CNTNAP2: variants seen among roughly 807,000 people sequenced by gnomAD.
The protein encoded by CNTNAP2 is contactin associated protein 2, also known as contactin-associated protein-like 2.
A neutral mutation model predicts 155.2 loss-of-function variants in CNTNAP2; 98 were observed. The ratio of observed to expected loss-of-function variants is 0.63; its 90% CI spans 0.54 to 0.75. The LOEUF (loss-of-function observed/expected upper bound fraction) is 0.75, where lower values mean the gene tolerates loss of function less well. Among genes scored for constraint, CNTNAP2 ranks in the 30% least tolerant of loss-of-function variants. The pLI is 0.00. For missense variants in CNTNAP2, 1,727 were observed against 1,688.1 expected (o/e 1.02, Z -0.40); for synonymous variants, 651 against 631.2 (o/e 1.03, Z -0.47).
At chr7:148,173,859 T>G (rs1439343127) in intron 18 of CNTNAP2, among the ~76,000 whole-genome samples, 1 of 152,234 alleles carries the variant, frequency 6.6e-6, no homozygotes, top group Non-Finnish European at 1.5e-5. Flanking sequence ...AAGTAAGCAC[T>G]AATGCCTGCG....
intron 1 of CNTNAP2, among the ~76,000 whole-genome samples, chr7:146,482,815 T>C (rs542061786): frequency 8.9e-4 from 135 of 152,104 alleles, no homozygotes; most frequent in African/African-American, 3.1e-3. Flanking sequence ...TAGACCTTGA[T>C]TGAATAAATA....
At position 147,975,050 on chromosome 7, in the gene CNTNAP2, G is replaced by GTATTACA. The variant is rs1563154374; in HGVS notation, c.2256-2809_2256-2808insTACATAT. ...CATATAATACAATTTTTTGTATTAC[G>GTATTACA]TATAATACAATTTTTTGTATTATGT... On this transcript the variant is annotated intron_variant, in intron 14 of 23. Transcript: ENST00000361727. Among the ~76,000 whole-genome samples the GTATTACA allele has an allele frequency of 1.2e-3, 184 of 148,618 alleles. 1 individual carries two copies. Among genetic ancestry groups the GTATTACA allele is most frequent in the African/African-American group, 4.1e-3 (160 of 39,366 alleles).
intron 22 of CNTNAP2, among the ~76,000 whole-genome samples, chr7:148,387,839 G>A (rs1799250320): frequency 1.3e-5 from 2 of 151,986 alleles, no homozygotes; most frequent in South Asian, 4.2e-4. Context: ...TCGAATAGGG[G>A]CTGGGTAAAA....
At position 147,554,019 on chromosome 7, in the gene CNTNAP2, C is replaced by A. The variant is rs57562382; in HGVS notation, c.1778-8119C>A. 6.4e-3 allele frequency among the ~76,000 whole-genome samples: 976 copies of A among 152,232 alleles called. 13 individuals carry two copies. Among genetic ancestry groups the A allele is most frequent in the African/African-American group, 0.022 (917 of 41,556 alleles). ...AAGGTTAGAGATGGGAATGGAGACT[C>A]AGGAGATGCAGCAACATAAGCAACC... On this transcript the variant is annotated intron_variant, in intron 11 of 23. Coordinates refer to ENST00000361727, the MANE Select transcript of CNTNAP2 (RefSeq NM_014141.6).
intron 10 of CNTNAP2, among the ~76,000 whole-genome samples, chr7:147,472,443 C>A (rs1367077137): frequency 1.3e-5 from 2 of 151,954 alleles, no homozygotes; most frequent in African/African-American, 4.8e-5. Context: ...AAACTCCTGA[C>A]TTCAAGTGAT....
At chr7:146,506,208 T>A (rs1797382287) in intron 1 of CNTNAP2, among the ~76,000 whole-genome samples, 1 of 152,164 alleles carries the variant, frequency 6.6e-6, no homozygotes, top group Admixed American at 6.5e-5. Flanking sequence ...TGTCTACAGC[T>A]GTCAGCACAT....
At chr7:147,546,630 A>T (rs1045388968) in intron 11 of CNTNAP2, among the ~76,000 whole-genome samples, 4 of 152,218 alleles carry the variant, frequency 2.6e-5, no homozygotes, top group Non-Finnish European at 4.4e-5. Context: ...TAAATACTCA[A>T]TATGATTTGT....
At chr7:147,271,510 C>A (rs1459768841) in intron 8 of CNTNAP2, among the ~76,000 whole-genome samples, 1 of 152,130 alleles carries the variant, frequency 6.6e-6, no homozygotes, top group Non-Finnish European at 1.5e-5. Flanking sequence ...AGTCTGTTTT[C>A]ACACTGCTGG....
rs200004308 is a variant in CNTNAP2 at position 146,770,294 on chromosome 7, T to TTA, written c.98-3965_98-3964dup. On this transcript the variant is annotated intron_variant, in intron 1 of 23. Transcript: ENST00000361727. The stretch of plus-strand genomic sequence containing the variant: ...ACAAATGGAATGTAGCGAAATGGAA[T>TTA]TATATATATATATGTGTGTGTATAC... Among the ~76,000 whole-genome samples the TTA allele has an allele frequency of 3.7e-4, 53 of 143,914 alleles. No homozygotes were observed. The South Asian group carries it at 4.4e-3, about 12-fold the overall frequency. 94.4% of individuals were successfully genotyped at this position (143,914 alleles called of 152,430 possible).
intron 3 of CNTNAP2, among the ~76,000 whole-genome samples, chr7:146,984,423 C>G (rs1269919068): frequency 6.7e-6 from 1 of 150,296 alleles, no homozygotes; most frequent in Non-Finnish European, 1.5e-5. Flanking sequence ...GTTGCTTTTG[C>G]CTGTTTCCCT....
chr7:147,776,314 G>T (rs1271018632), intron 13 of CNTNAP2, among the ~76,000 whole-genome samples: 2 of 146,736 alleles, frequency 1.4e-5, no homozygotes, highest in Non-Finnish European at 3.0e-5. Flanking sequence ...GGTAAAGGTA[G>T]AAAGGCCCTG....
At chr7:146,155,304 A>C (rs1013421631) in intron 1 of CNTNAP2, among the ~76,000 whole-genome samples, 1 of 152,186 alleles carries the variant, frequency 6.6e-6, no homozygotes, top group African/African-American at 2.4e-5. Context: ...ATTTAATCTA[A>C]GTTGACTTCC....
At chr7:147,786,590 A>C (rs1797743516) in intron 13 of CNTNAP2, among the ~76,000 whole-genome samples, 1 of 152,176 alleles carries the variant, frequency 6.6e-6, no homozygotes, top group Non-Finnish European at 1.5e-5. Context: ...CAGCGTGGGG[A>C]GTGCAGTTAG....
chr7:147,865,733 C>T (rs546471451), intron 13 of CNTNAP2, among the ~76,000 whole-genome samples: 11 of 152,106 alleles, frequency 7.2e-5, no homozygotes, highest in African/African-American at 2.4e-4. Flanking sequence ...TTATAGTATT[C>T]GCTAATGATA....
intron 1 of CNTNAP2, among the ~76,000 whole-genome samples, chr7:146,202,322 C>T (rs529362612): frequency 3.3e-5 from 5 of 152,022 alleles, no homozygotes; most frequent in Non-Finnish European, 7.4e-5. Context: ...TAACTGATGG[C>T]TAAATGTTAT....
chr7:146,885,592 TTTAA>T (rs1795639394), intron 3 of CNTNAP2, among the ~76,000 whole-genome samples: 1 of 152,184 alleles, frequency 6.6e-6, no homozygotes, highest in African/African-American at 2.4e-5. Context: ...AATGGATATC[TTTAA>T]TTATTTAAGA....
intron 21 of CNTNAP2, among the ~76,000 whole-genome samples, chr7:148,375,236 GTATGTTATACTATA>G (rs1798960469): frequency 7.1e-6 from 1 of 140,162 alleles, no homozygotes; most frequent in Admixed American, 7.9e-5. Context: ...ATGTATATAT[GTATGTTATACTATA>G]TATAAAACTA....
At chr7:147,842,073 A>G (rs1031704835) in intron 13 of CNTNAP2, among the ~76,000 whole-genome samples, 13 of 152,230 alleles carry the variant, frequency 8.5e-5, no homozygotes, top group Non-Finnish European at 1.5e-4. Context: ...TTCACTTCAC[A>G]TGTGTTACAC....
chr7:148,268,717 T>C (rs991216524), intron 21 of CNTNAP2, among the ~76,000 whole-genome samples: 3 of 152,038 alleles, frequency 2.0e-5, no homozygotes. Context: ...CAGGCTCCAG[T>C]TTAAGCACTT....
Sources: allele counts gnomAD v4.1 joint callset (sites outside exome capture counted in the v4.1 genomes callset), GRCh38; gene constraint gnomAD v4.1.1; transcripts MANE v1.5; gene names NCBI Gene and HGNC (gene_info 2026-07-23, HGNC 2026-07-21).